The following DGKB variants were observed in gnomAD, a reference collection of about 807,000 sequenced individuals.
The protein encoded by DGKB is diacylglycerol kinase beta.
In DGKB, 67 loss-of-function variants were observed where a neutral mutation model predicts 114.3. The ratio of observed to expected loss-of-function variants is 0.59; its 90% confidence interval spans 0.48 to 0.72. DGKB has a LOEUF of 0.72. Among genes scored for constraint, DGKB ranks in the 30% least tolerant of loss-of-function variants. DGKB has a pLI of 0.00. For missense variants in DGKB, 907 were observed against 975.2 expected (o/e 0.93, Z 0.93); for synonymous variants, 398 against 323.1 (o/e 1.23, Z -2.49).
intron 20 of DGKB, among the ~76,000 whole-genome samples, chr7:14,544,213 GA>G (rs1161495120): frequency 2.6e-5 from 4 of 152,108 alleles, no homozygotes; most frequent in Admixed American, 2.0e-4. Flanking sequence ...GATAAAGGAA[GA>G]AAAATGTTCT....
chr7:14,863,308 T>C (rs1246374871), intron 1 of DGKB, among the ~76,000 whole-genome samples: 2 of 151,672 alleles, frequency 1.3e-5, no homozygotes, highest in Non-Finnish European at 2.9e-5. Flanking sequence ...CATCTGTGTC[T>C]TTTATGTTTT....
intron 2 of DGKB, among the ~76,000 whole-genome samples, chr7:14,792,283 T>C (rs1044224877): frequency 1.3e-5 from 2 of 152,150 alleles, no homozygotes; most frequent in Non-Finnish European, 2.9e-5. Flanking sequence ...TAATAATGAA[T>C]GTAAGGTATT....
At position 14,550,350 on chromosome 7, in the gene DGKB, A is replaced by G. The variant is rs183237406; in HGVS notation, c.1770+23862T>C. Among the ~76,000 whole-genome samples, 7 of 152,318 alleles carry G rather than the reference A, an allele frequency of 4.6e-5. No individual in the cohort carries two copies. In the East Asian group the frequency reaches 1.3e-3, roughly 29 times the overall value. ...ATAGCTGAAATTACATTTGCAATGA[A>G]ATTTTATGAGTAAAATAAATTGCTC... On this transcript the variant is annotated intron_variant, in intron 20 of 25. Transcript: ENST00000402815.
intron 2 of DGKB, among the ~76,000 whole-genome samples, chr7:14,763,608 T>A (rs1836023010): frequency 6.6e-6 from 1 of 152,074 alleles, no homozygotes; most frequent in Non-Finnish European, 1.5e-5. Context: ...TAATTTGGCT[T>A]AGGAACCTCA....
chr7:14,677,668 C>A (rs112160692), intron 12 of DGKB, among the ~76,000 whole-genome samples: 20 of 151,986 alleles, frequency 1.3e-4, no homozygotes, highest in African/African-American at 4.3e-4. Context: ...ACATGTTATA[C>A]AACGAAGGTC....
chr7:14,905,971 T>C (rs568812838), upstream of DGKB, among the ~76,000 whole-genome samples: 164 of 152,322 alleles, frequency 1.1e-3, 1 homozygote, highest in Middle Eastern at 3.4e-3. Context: ...TCAGGGTCTC[T>C]AAGTGTCCTT....
chr7:14,176,690 C>T, intron 25 of DGKB, 149 bp downstream of exon 25: 2 of 1,463,008 alleles, frequency 1.4e-6, no homozygotes, highest in Non-Finnish European at 1.8e-6. Flanking sequence ...AATGTAGTGG[C>T]TCTGACACAC....
At chr7:14,882,159 A>G (rs1273699609) in intron 1 of DGKB, among the ~76,000 whole-genome samples, 2 of 152,022 alleles carry the variant, frequency 1.3e-5, no homozygotes, top group Non-Finnish European at 2.9e-5. Context: ...TTTGGAGTTA[A>G]AAAAGTGAGA....
chr7:14,466,808 C>A (rs994437095), intron 21 of DGKB, among the ~76,000 whole-genome samples: 1 of 152,114 alleles, frequency 6.6e-6, no homozygotes, highest in Non-Finnish European at 1.5e-5. Flanking sequence ...CAGAGCAAGA[C>A]TCGTCTCAAA....
At chr7:14,279,917 G>A (rs952531041) in intron 23 of DGKB, among the ~76,000 whole-genome samples, 26 of 151,700 alleles carry the variant, frequency 1.7e-4, no homozygotes, top group Non-Finnish European at 4.4e-5. Context: ...GAAAAAAACA[G>A]AACAGAAAAA....
At chr7:14,306,964 T>C (rs1015139042) in intron 23 of DGKB, among the ~76,000 whole-genome samples, 2 of 152,188 alleles carry the variant, frequency 1.3e-5, no homozygotes, top group Non-Finnish European at 2.9e-5. Context: ...TTTAATATCA[T>C]GTATTCTCTT....
At chr7:14,926,047 T>C (rs1784732628) in intron 1 of DGKB, among the ~76,000 whole-genome samples, 1 of 152,136 alleles carries the variant, frequency 6.6e-6, no homozygotes. Context: ...AGATTTTCTT[T>C]ACCAAATTGA....
chr7:14,710,605 TTAAATA>T (rs1286353568), intron 6 of DGKB, among the ~76,000 whole-genome samples: 1 of 152,136 alleles, frequency 6.6e-6, no homozygotes, highest in African/African-American at 2.4e-5. Context: ...TATTTCACTC[TTAAATA>T]TAAAGTTTGA....
In DGKB at chr7:14,757,743, A is replaced by G; in HGVS notation, c.71-12T>C. 6.5e-7 allele frequency: 1 copy of G among 1,531,852 alleles called. No homozygotes were observed. Among genetic ancestry groups the G allele is most frequent in the Non-Finnish European group, 9.0e-7 (1 of 1,108,742 alleles). 94.9% of individuals were successfully genotyped at this position (1,531,852 alleles called of 1,614,324 possible). ...TTTCTTTGTAGAATCTATAAAAAAC[A>G]GAAAACACAAAAATTGTTTATATGC... is the stretch of plus-strand genomic sequence containing the variant. On this transcript the variant is annotated splice_polypyrimidine_tract_variant and intron_variant, in intron 2 of 25. Transcript: ENST00000402815.
chr7:14,782,803 T>C (rs1839320918), intron 2 of DGKB, among the ~76,000 whole-genome samples: 1 of 152,018 alleles, frequency 6.6e-6, no homozygotes, highest in African/African-American at 2.4e-5. Context: ...GCTAGTGTGA[T>C]TGTACCTCAG....
chr7:14,591,034 AG>A (rs1801623293), intron 17 of DGKB, among the ~76,000 whole-genome samples: 1 of 152,100 alleles, frequency 6.6e-6, no homozygotes, highest in Non-Finnish European at 1.5e-5. Context: ...TGGAGACACA[AG>A]GTACAGAGGA....
At chr7:14,609,490 TTTA>T (rs1190528953) in intron 16 of DGKB, among the ~76,000 whole-genome samples, 4 of 151,878 alleles carry the variant, frequency 2.6e-5, no homozygotes, top group African/African-American at 9.7e-5. Context: ...CAACACATTT[TTTA>T]TTAAGTCCTC....
At chr7:14,350,344 T>A (rs1813222268) in intron 21 of DGKB, among the ~76,000 whole-genome samples, 1 of 152,124 alleles carries the variant, frequency 6.6e-6, no homozygotes, top group South Asian at 2.1e-4. Flanking sequence ...GCCTTACATG[T>A]CTTTTATTTT....
intron 2 of DGKB, among the ~76,000 whole-genome samples, chr7:14,760,168 A>G (rs1193509115): frequency 6.6e-6 from 1 of 152,040 alleles, no homozygotes; most frequent in African/African-American, 2.4e-5. Flanking sequence ...CTTGATGCCT[A>G]TACAGCTTCC....
Sources: gnomAD v4.1 joint callset for allele counts (sites outside exome capture counted in the v4.1 genomes callset) on GRCh38, gnomAD v4.1.1 for gene constraint, MANE v1.5 for transcripts, NCBI Gene and HGNC (gene_info 2026-07-23, HGNC 2026-07-21) for gene names.